ADAMTS16: variants seen among roughly 807,000 people sequenced by gnomAD.
ADAMTS16 encodes A disintegrin and metalloproteinase with thrombospondin motifs 16.
In ADAMTS16, 94 loss-of-function variants were observed where a neutral mutation model predicts 145.8. The observed-to-expected ratio is 0.64, with a 90% CI of 0.55 to 0.77. The LOEUF is 0.77. Among genes scored for constraint, ADAMTS16 ranks in the 30% least tolerant of loss-of-function variants. ADAMTS16 has a pLI of 0.00. For missense variants in ADAMTS16, 1,585 were observed against 1,591.5 expected, an observed-to-expected ratio of 1.00 and a Z score of 0.07; for synonymous variants, 659 against 604.3, an observed-to-expected ratio of 1.09 and a Z score of -1.33.
intron 10 of ADAMTS16, among the ~76,000 whole-genome samples, chr5:5,218,933 T>A (rs1736513684): frequency 6.6e-6 from 1 of 152,232 alleles, no homozygotes. Context: ...TCTGCTTCTC[T>A]TGACCACGTT....
chr5:5,318,591 C>G (rs909200655), intron 22 of ADAMTS16, among the ~76,000 whole-genome samples: 2 of 152,180 alleles, frequency 1.3e-5, no homozygotes, highest in Non-Finnish European at 2.9e-5. Flanking sequence ...AAAAGCCTCC[C>G]TTATTCACTG....
At chr5:5,221,352 C>CG (rs1180463959) in intron 10 of ADAMTS16, among the ~76,000 whole-genome samples, 1 of 152,004 alleles carries the variant, frequency 6.6e-6, no homozygotes, top group Non-Finnish European at 1.5e-5. Context: ...AGAACATACC[C>CG]GGGTGCTCGC....
intron 2 of ADAMTS16, among the ~76,000 whole-genome samples, chr5:5,141,106 T>C (rs1734156790): frequency 6.6e-6 from 1 of 152,186 alleles, no homozygotes; most frequent in Non-Finnish European, 1.5e-5. Flanking sequence ...AGCAAATTAC[T>C]TTCTTTTCCG....
At chr5:5,279,639 T>C (rs1402274284) in intron 18 of ADAMTS16, among the ~76,000 whole-genome samples, 2 of 141,516 alleles carry the variant, frequency 1.4e-5, no homozygotes, top group African/African-American at 5.1e-5. Flanking sequence ...TCTTGTGTTT[T>C]CTTTTCAGAT....
chr5:5,191,252 A>G (rs983931784), intron 7 of ADAMTS16, among the ~76,000 whole-genome samples: 13 of 152,226 alleles, frequency 8.5e-5, no homozygotes, highest in Non-Finnish European at 1.5e-5. Flanking sequence ...GATGTGAATC[A>G]TTAAAGCTGG....
At chr5:5,264,697 C>T (rs769754051) in intron 18 of ADAMTS16, among the ~76,000 whole-genome samples, 6 of 152,154 alleles carry the variant, frequency 3.9e-5, no homozygotes, top group African/African-American at 1.2e-4. Flanking sequence ...CTGATGTGAT[C>T]GGGGACCTGT....
rs138476241 is a variant in ADAMTS16, at chr5:5,174,280, C to T, written c.502-7764C>T. Among the ~76,000 whole-genome samples, 382 of 152,220 alleles carry T rather than the reference C, an allele frequency of 2.5e-3. 7 individuals are homozygous for T. The highest frequency in any genetic ancestry group is 9.1e-3 in the East Asian group (47 of 5,178). On this transcript the variant is annotated intron_variant, in intron 3 of 22. Transcript: ENST00000274181. Reference sequence around the variant, plus strand: ...TGTAAATATGTTATGCCACTCTTTCCTGGCCTGTATGGTTTCCACTGAGAA... The same window carrying T: ...TGTAAATATGTTATGCCACTCTTTCTTGGCCTGTATGGTTTCCACTGAGAA...
chr5:5,306,828 A>G, intron 21 of ADAMTS16, 100 bp downstream of exon 21: 1 of 1,170,704 alleles, frequency 8.5e-7, no homozygotes, highest in Non-Finnish European at 1.2e-6. Context: ...GTTTTCCCCA[A>G]AGCTGGCCAA....
At chr5:5,283,792 C>T (rs1739013619) in intron 18 of ADAMTS16, among the ~76,000 whole-genome samples, 1 of 152,164 alleles carries the variant, frequency 6.6e-6, no homozygotes, top group African/African-American at 2.4e-5. Context: ...AAAAGTGCAC[C>T]TCAATCTATA....
intron 4 of ADAMTS16, among the ~76,000 whole-genome samples, chr5:5,183,615 G>A (rs908448469): frequency 6.6e-6 from 1 of 152,216 alleles, no homozygotes; most frequent in South Asian, 2.1e-4. Context: ...ATCAAGCAAT[G>A]CAGACCACTG....
intron 3 of ADAMTS16, among the ~76,000 whole-genome samples, chr5:5,177,251 A>G (rs1261839730): frequency 1.3e-5 from 2 of 152,238 alleles, no homozygotes; most frequent in Non-Finnish European, 2.9e-5. Context: ...CAGAGTGTCC[A>G]GTGTCAAAGC....
At chr5:5,259,738 T>A (rs542173716) in intron 17 of ADAMTS16, among the ~76,000 whole-genome samples, 1 of 152,372 alleles carries the variant, frequency 6.6e-6, no homozygotes, top group Non-Finnish European at 1.5e-5. Flanking sequence ...CCAGTGGGGA[T>A]GTTTAACCTT....
At chr5:5,307,154 G>A (rs550001663) in intron 21 of ADAMTS16, among the ~76,000 whole-genome samples, 5 of 152,170 alleles carry the variant, frequency 3.3e-5, no homozygotes, top group East Asian at 3.9e-4. Context: ...ACCATGGAGC[G>A]GGGGTTCCTT....
intron 3 of ADAMTS16, among the ~76,000 whole-genome samples, chr5:5,149,010 A>G (rs1416852976): frequency 1.3e-5 from 2 of 152,218 alleles, no homozygotes; most frequent in African/African-American, 4.8e-5. Flanking sequence ...CGTGATGCCC[A>G]TAAGTGAAGG....
chr5:5,309,827 CGT>C (rs35723690), intron 21 of ADAMTS16, among the ~76,000 whole-genome samples: 11,717 of 146,884 alleles, frequency 0.08, 487 homozygotes, highest in African/African-American at 0.1. Flanking sequence ...GTCATGTCCT[CGT>C]GTGTGTGTGT....
chr5:5,183,159 T>G (rs1278879012), intron 4 of ADAMTS16, among the ~76,000 whole-genome samples: 1 of 152,234 alleles, frequency 6.6e-6, no homozygotes, highest in South Asian at 2.1e-4. Flanking sequence ...CCTTTCGTCC[T>G]ACCCCTGAAA....
At chr5:5,223,931 C>A (rs4702250) in intron 11 of ADAMTS16, among the ~76,000 whole-genome samples, 13,425 of 150,636 alleles carry the variant, frequency 0.089, 672 homozygotes, top group Admixed American at 0.14. Context: ...TTTGAACATG[C>A]CTAAATATCA....
intron 21 of ADAMTS16, among the ~76,000 whole-genome samples, chr5:5,312,594 T>A (rs1417219990): frequency 6.6e-6 from 1 of 152,088 alleles, no homozygotes; most frequent in Non-Finnish European, 1.5e-5. Flanking sequence ...ATTACAGGTG[T>A]GCTCCACCAC....
At chr5:5,158,889 A>G (rs563916029) in intron 3 of ADAMTS16, among the ~76,000 whole-genome samples, 1 of 152,340 alleles carries the variant, frequency 6.6e-6, no homozygotes, top group African/African-American at 2.4e-5. Flanking sequence ...AACTTACTCC[A>G]AGGAGAGATT....
Sources: gnomAD v4.1 joint callset for allele counts (sites outside exome capture counted in the v4.1 genomes callset) on GRCh38, gnomAD v4.1.1 for gene constraint, MANE v1.5 for transcripts, NCBI Gene and HGNC (gene_info 2026-07-23, HGNC 2026-07-21) for gene names.